The following UBR3 variants were observed in gnomAD, a reference collection of about 807,000 sequenced individuals.
The protein encoded by UBR3 is ubiquitin protein ligase E3 component n-recognin 3.
A neutral mutation model predicts 243.2 loss-of-function variants in UBR3; 85 were observed. The ratio of observed to expected loss-of-function variants is 0.35; its 90% confidence interval spans 0.29 to 0.42. The LOEUF (loss-of-function observed/expected upper bound fraction) is 0.42, where lower values mean the gene tolerates loss of function less well. Among genes scored for constraint, UBR3 ranks in the 10% least tolerant of loss-of-function variants. The probability of loss-of-function intolerance (pLI) is 1.00; values close to 1 mark genes in which losing one functional copy is unlikely to be tolerated. For synonymous variants in UBR3, 748 were observed against 799.8 expected (o/e 0.94, Z 1.09); for missense variants, 1,686 against 2,300.8 (o/e 0.73, Z 5.47).
At chr2:169,882,336 T>A (rs975916729) in intron 5 of UBR3, among the ~76,000 whole-genome samples, 1 of 138,352 alleles carries the variant, frequency 7.2e-6, no homozygotes, top group African/African-American at 2.7e-5. Context: ...ATATGTATTA[T>A]ATAATATATA....
intron 1 of UBR3, among the ~76,000 whole-genome samples, chr2:169,863,891 C>T (rs1463381045): frequency 1.3e-5 from 2 of 152,154 alleles, no homozygotes; most frequent in Non-Finnish European, 1.5e-5. Context: ...CTCCCTTATC[C>T]TCCTCCAGAG....
intron 35 of UBR3, among the ~76,000 whole-genome samples, chr2:170,067,276 C>T (rs544062393): frequency 7.9e-5 from 12 of 152,082 alleles, no homozygotes; most frequent in Non-Finnish European, 1.8e-4. Context: ...TTATTTTGTG[C>T]ATTACATGTA....
At chr2:169,963,816 CCAAA>C (rs1224510372) in intron 24 of UBR3, among the ~76,000 whole-genome samples, 1 of 152,020 alleles carries the variant, frequency 6.6e-6, no homozygotes, top group Non-Finnish European at 1.5e-5. Flanking sequence ...ATGAAAAATT[CCAAA>C]CATAGAGGAA....
intron 32 of UBR3, among the ~76,000 whole-genome samples, chr2:170,041,725 A>C (rs2090972351): frequency 6.6e-6 from 1 of 152,186 alleles, no homozygotes; most frequent in African/African-American, 2.4e-5. Context: ...ATGAACATCT[A>C]TGGGTGTATA....
rs140078278 is a variant in UBR3, at chr2:170,055,567, G to A, written c.4768G>A (p.Ala1590Thr). ...SEEDRSAWKH[A>T]GALKKSTCDA... ...AGAAGATAGGTCAGCCTGGAAACAC[G>A]CGGGAGCTCTCAAAAAGGTTAGGCT... Residue 1590 changes from alanine to threonine, a missense_variant, in exon 33 of 39, where the codon GCG becomes ACG. Ala to Thr is a moderately conservative substitution (Grantham distance 58, BLOSUM62 0). Transcript: ENST00000272793. The A allele has an allele frequency of 9.9e-5, 160 of 1,613,292 alleles. 1 individual carries two copies. The highest frequency in any genetic ancestry group is 5.0e-4 in the Middle Eastern group (3 of 6,060).
Position 170,027,873 on chromosome 2 carries a change from A to C in UBR3, c.4454-1473A>C, listed in dbSNP as rs1213339942. 2.0e-5 allele frequency among the ~76,000 whole-genome samples: 3 copies of C among 151,884 alleles called. No individual in the cohort carries two copies. In the East Asian group the frequency reaches 5.8e-4, roughly 29 times the overall value. ...ACTTCCCTTGTTCTCAGTATCATCTACGAAACCAGGCTACCATAAAAACTG... is the reference window on the plus strand; with the variant it reads ...ACTTCCCTTGTTCTCAGTATCATCTCCGAAACCAGGCTACCATAAAAACTG... On this transcript the variant is annotated intron_variant, in intron 30 of 38. Coordinates refer to ENST00000272793, the MANE Select transcript of UBR3 (RefSeq NM_172070.4).
chr2:169,935,061 C>A (rs1214213850), intron 19 of UBR3, among the ~76,000 whole-genome samples: 1 of 152,176 alleles, frequency 6.6e-6, no homozygotes, highest in Non-Finnish European at 1.5e-5. Context: ...AATACAACAA[C>A]AACAAAGCAA....
chr2:170,069,225 A>G (rs1199365489), intron 35 of UBR3, among the ~76,000 whole-genome samples: 1 of 152,164 alleles, frequency 6.6e-6, no homozygotes, highest in Non-Finnish European at 1.5e-5. Flanking sequence ...CCTTCACAAA[A>G]TATTAGCAAT....
intron 35 of UBR3, among the ~76,000 whole-genome samples, chr2:170,062,816 G>A (rs571200593): frequency 2.0e-5 from 3 of 152,316 alleles, no homozygotes; most frequent in South Asian, 2.1e-4. Flanking sequence ...TGAGCTGGGC[G>A]TTGAAAGTTG....
intron 22 of UBR3, chr2:169,949,393 G>A: frequency 2.3e-6 from 1 of 439,922 alleles, no homozygotes; most frequent in Non-Finnish European, 4.0e-6. Flanking sequence ...TACTGCTGAT[G>A]ATCTCCTCCT....
chr2:169,929,796 A>C (rs972058321), intron 18 of UBR3, among the ~76,000 whole-genome samples: 3 of 152,158 alleles, frequency 2.0e-5, no homozygotes, highest in African/African-American at 4.8e-5. Context: ...TCTCTAAGTG[A>C]AAATTTTGAA....
chr2:169,945,951 TTTA>T, intron 20 of UBR3, among the ~76,000 whole-genome samples: 1 of 152,286 alleles, frequency 6.6e-6, no homozygotes, highest in East Asian at 1.9e-4. Flanking sequence ...ACCATAAACA[TTTA>T]TTGTGCTGCC....
rs758128466 is a variant in UBR3, at chr2:169,935,050, C to T, written c.2663+2042C>T. ...TCAACTCTTAAAAAGAAAACAAAAA[C>T]AATACAACAACAACAAAGCAAACCA... On this transcript the variant is annotated intron_variant, in intron 19 of 38. Coordinates refer to ENST00000272793, the MANE Select transcript of UBR3 (RefSeq NM_172070.4). Among the ~76,000 whole-genome samples the T allele has an allele frequency of 1.2e-3, 177 of 152,090 alleles. 3 individuals carry two copies. The highest frequency in any genetic ancestry group is 4.1e-4 in the Non-Finnish European group (28 of 68,008).
chr2:169,892,335 G>A (rs999749596), intron 6 of UBR3, among the ~76,000 whole-genome samples: 4 of 152,170 alleles, frequency 2.6e-5, no homozygotes, highest in Non-Finnish European at 4.4e-5. Flanking sequence ...ACACATCTGA[G>A]TTGGAGATTG....
chr2:169,882,254 ATATT>A (rs955743165), intron 5 of UBR3, among the ~76,000 whole-genome samples: 6 of 135,510 alleles, frequency 4.4e-5, no homozygotes, highest in African/African-American at 1.4e-4. Context: ...ATATGTATAT[ATATT>A]TATATATATT....
rs2084602205 is a variant in UBR3, at chr2:169,896,546, A to G, written c.1276A>G (p.Ile426Val). Residue 426 changes from isoleucine (I) to valine (V), a missense_variant, in exon 8 of 39, where the codon ATT becomes GTT. By Grantham distance (29) the Ile-to-Val change is conservative. Coordinates refer to ENST00000272793, the MANE Select transcript of UBR3 (RefSeq NM_172070.4). ...AACTTTTGTTCAGCATTATGCTTTCATTATGAAAACACTGAAGAAAAGTCA... is the reference window on the plus strand; with the variant it reads ...AACTTTTGTTCAGCATTATGCTTTCGTTATGAAAACACTGAAGAAAAGTCA... ...TKTFVQHYAF[I>V]MKTLKKSHES... 5.2e-6 allele frequency: 8 copies of G among 1,549,190 alleles called. No individual in the cohort carries two copies. Among genetic ancestry groups the G allele is most frequent in the Non-Finnish European group, 6.1e-6 (7 of 1,145,408 alleles).
rs145695726 is a variant in UBR3, at chr2:170,068,107, A to C, written c.5020-5321A>C. On this transcript the variant is annotated intron_variant, in intron 35 of 38. Coordinates refer to ENST00000272793, the MANE Select transcript of UBR3 (RefSeq NM_172070.4). Reference sequence around the variant, plus strand: ...TTAACTGAGTGAAAATGTAAACACAATATACTGAAATTGTGGGATCCAGCT... The same window carrying C: ...TTAACTGAGTGAAAATGTAAACACACTATACTGAAATTGTGGGATCCAGCT... Among the ~76,000 whole-genome samples, 1,192 of 152,162 alleles carry C rather than the reference A, an allele frequency of 7.8e-3. 15 individuals carry two copies. The highest frequency in any genetic ancestry group is 0.026 in the African/African-American group (1,078 of 41,502).
chr2:169,841,681 G>T (rs1187247241), intron 1 of UBR3, among the ~76,000 whole-genome samples: 9 of 152,252 alleles, frequency 5.9e-5, no homozygotes, highest in Admixed American at 5.9e-4. Context: ...ACCCGGGCCA[G>T]TGGCTGCGGA....
chr2:169,848,122 C>T (rs1302208945), intron 1 of UBR3, among the ~76,000 whole-genome samples: 2 of 152,212 alleles, frequency 1.3e-5, no homozygotes, highest in African/African-American at 4.8e-5. Flanking sequence ...ATCATCACGT[C>T]ACTTGCTTCC....
Sources: gnomAD v4.1 joint callset for allele counts (sites outside exome capture counted in the v4.1 genomes callset) on GRCh38, gnomAD v4.1.1 for gene constraint, MANE v1.5 for transcripts, NCBI Gene and HGNC (gene_info 2026-07-23, HGNC 2026-07-21) for gene names.